VCAN: variants seen among roughly 807,000 people sequenced by gnomAD.
VCAN encodes the protein versican.
Under a neutral mutation model 245.5 loss-of-function variants are expected in VCAN, and 44 were observed. That is an observed-to-expected ratio of 0.18 (90% confidence interval 0.14 to 0.23). VCAN has a LOEUF of 0.23. Among genes scored for constraint, VCAN ranks in the 10% least tolerant of loss-of-function variants. VCAN has a pLI of 1.00. For missense variants in VCAN, 3,793 were observed against 4,057.9 expected (o/e 0.93, Z 1.77); for synonymous variants, 1,413 against 1,437.0 (o/e 0.98, Z 0.38).
chr5:83,545,851 C>T (rs190181891), intron 9 of VCAN, among the ~76,000 whole-genome samples: 141 of 152,226 alleles, frequency 9.3e-4, no homozygotes, highest in Non-Finnish European at 9.7e-4. Flanking sequence ...GTTAACGTAA[C>T]CAAGACTCAG....
At position 83,493,433 on chromosome 5, in the gene VCAN, T is replaced by G. The variant is rs192859873; in HGVS notation, c.446-113T>G. On this transcript the variant is annotated intron_variant, in intron 3 of 14. Coordinates refer to ENST00000265077, the MANE Select transcript of VCAN (RefSeq NM_004385.5). Reference sequence around the variant, plus strand: ...ATGAAGTAAAAGTAAATAATTATTATGATATTATTACTATGTATCCAACTA... The same window carrying G: ...ATGAAGTAAAAGTAAATAATTATTAGGATATTATTACTATGTATCCAACTA... 7.4e-4 allele frequency: 954 copies of G among 1,296,676 alleles called. 2 individuals are homozygous for G. Among genetic ancestry groups the G allele is most frequent in the Admixed American group, 1.1e-3 (59 of 54,098 alleles). 80.3% of individuals were successfully genotyped at this position (1,296,676 alleles called of 1,614,324 possible). A position where few individuals can be genotyped will look rare whatever the true frequency, so the allele number is the denominator to read the frequency against.
chr5:83,561,586 A>C (rs1355337582), intron 12 of VCAN, among the ~76,000 whole-genome samples: 2 of 152,114 alleles, frequency 1.3e-5, no homozygotes, highest in Non-Finnish European at 2.9e-5. Context: ...GATGCACAAG[A>C]ATGTCCAGAT....
chr5:83,563,614 T>A (rs1747956861), intron 12 of VCAN, among the ~76,000 whole-genome samples: 1 of 152,148 alleles, frequency 6.6e-6, no homozygotes, highest in Admixed American at 6.5e-5. Context: ...TGGGAAAGTG[T>A]TTTCTGTTTG....
intron 5 of VCAN, among the ~76,000 whole-genome samples, chr5:83,497,771 G>A (rs1409626069): frequency 6.6e-6 from 1 of 152,140 alleles, no homozygotes; most frequent in Non-Finnish European, 1.5e-5. Flanking sequence ...CAAGAAATTA[G>A]GTAAAGGATC....
intron 13 of VCAN, among the ~76,000 whole-genome samples, chr5:83,577,578 C>G (rs756470564): frequency 3.9e-5 from 6 of 152,084 alleles, no homozygotes; most frequent in Non-Finnish European, 8.8e-5. Context: ...AAGCCTTTAT[C>G]AAATTATTTC....
At chr5:83,564,703 A>G (rs1042536246) in intron 12 of VCAN, among the ~76,000 whole-genome samples, 1 of 151,318 alleles carries the variant, frequency 6.6e-6, no homozygotes, top group African/African-American at 2.4e-5. Context: ...TTCACTGTGA[A>G]CTAAATTAGC....
chr5:83,539,436 T>G lies in VCAN; in HGVS notation c.6433T>G (p.Phe2145Val). ...TEQTIFDSQTFTETELKTTDY... is the reference protein window; with the variant it reads ...TEQTIFDSQTVTETELKTTDY... ...ACAAACAATCTTTGATTCACAGACA[T>G]TTACTGAAACTGAACTCAAAACCAC... The change falls in exon 8 of 15, where the codon TTT becomes GTT. Residue 2145 changes from phenylalanine to valine, a missense_variant. Phe to Val is a conservative substitution (Grantham distance 50). This residue lies in a region of VCAN where 3,182 missense variants were observed against 3,250.3 expected (regional missense o/e 0.98). Transcript: ENST00000265077. 1 of 1,613,586 alleles carries G rather than the reference T, an allele frequency of 6.2e-7. No individual in the cohort carries two copies. Among genetic ancestry groups the G allele is most frequent in the Non-Finnish European group, 8.5e-7 (1 of 1,179,826 alleles).
intron 12 of VCAN, among the ~76,000 whole-genome samples, chr5:83,560,421 T>C (rs1370297324): frequency 6.6e-6 from 1 of 152,154 alleles, no homozygotes; most frequent in Non-Finnish European, 1.5e-5. Context: ...CAGCTCATTT[T>C]ACTTTTTATA....
In VCAN at chr5:83,512,057, A is replaced by C. The variant is rs762180242; in HGVS notation, c.749-46A>C. ...ACCATATTTATCCAACAGGAAAGGA[A>C]TGAATAATAAAACTTTGGGCTTTTT... On this transcript the variant is annotated intron_variant, in intron 5 of 14. Coordinates refer to ENST00000265077, the MANE Select transcript of VCAN (RefSeq NM_004385.5). 13 of 1,611,130 alleles carry C rather than the reference A, an allele frequency of 8.1e-6. No individual in the cohort carries two copies. The South Asian group carries it at 1.4e-4, about 18-fold the overall frequency.
At position 83,539,631 on chromosome 5, in the gene VCAN, G is replaced by T; in HGVS notation, c.6628G>T (p.Ala2210Ser). 2 of 1,613,984 alleles carry T rather than the reference G, an allele frequency of 1.2e-6. No individual in the cohort carries two copies. The highest frequency in any genetic ancestry group is 1.7e-6 in the Non-Finnish European group (2 of 1,179,986). Reference sequence around the variant, plus strand: ...AAAGTCACATTTTTTCTTAGCTACTGCATTAGTAACTGAATCTATACCAGC... The same window carrying T: ...AAAGTCACATTTTTTCTTAGCTACTTCATTAGTAACTGAATCTATACCAGC... The part of the protein sequence containing the change: ...TEKSHFFLAT[A>S]LVTESIPAEH... Residue 2210 changes from alanine to serine, a missense_variant, in exon 8 of 15, where the codon GCA becomes TCA. Transcript: ENST00000265077.
chr5:83,498,717 CT>C (rs2112367318), intron 5 of VCAN, among the ~76,000 whole-genome samples: 1 of 152,282 alleles, frequency 6.6e-6, no homozygotes, highest in Admixed American at 6.5e-5. Flanking sequence ...GAATTCTTTT[CT>C]GAATTTCATA....
rs193135807 is a variant in VCAN, at chr5:83,549,581, T to G, written c.9493+1497T>G. Among the ~76,000 whole-genome samples, 394 of 152,332 alleles carry G rather than the reference T, an allele frequency of 2.6e-3. 2 individuals carry two copies. Among genetic ancestry groups the G allele is most frequent in the Non-Finnish European group, 2.6e-3 (175 of 68,032 alleles). Reference sequence around the variant, plus strand: ...CAAAGATAAACACTTTATTTATATGTTTATCTGATGCATTGAGTGGCAACA... The same window carrying G: ...CAAAGATAAACACTTTATTTATATGGTTATCTGATGCATTGAGTGGCAACA... On this transcript the variant is annotated intron_variant, in intron 10 of 14. Transcript: ENST00000265077.
chr5:83,520,788 C>G lies in VCAN; in HGVS notation c.2482C>G (p.Pro828Ala). 6.2e-7 allele frequency: 1 copy of G among 1,614,090 alleles called. No homozygotes were observed. Reference sequence around the variant, plus strand: ...ACCTTCAGCCTCTTCAAAATTGCCCCCTGCCTTACTCACAACTGTGGGGAT... The same window carrying G: ...ACCTTCAGCCTCTTCAAAATTGCCCGCTGCCTTACTCACAACTGTGGGGAT... ...TEPSASSKLP[P>A]ALLTTVGMNG... The change falls in exon 7 of 15, where the codon CCT becomes GCT. Residue 828 changes from proline to alanine, a missense_variant. Around this residue, in one of 5 missense-constraint regions of VCAN, gnomAD observed 3,182 missense variants for 3,250.3 expected, o/e 0.98. Coordinates refer to ENST00000265077, the MANE Select transcript of VCAN (RefSeq NM_004385.5).
intron 1 of VCAN, among the ~76,000 whole-genome samples, chr5:83,474,658 C>T (rs543548237): frequency 1.3e-5 from 2 of 152,234 alleles, no homozygotes; most frequent in Non-Finnish European, 2.9e-5. Context: ...TGCAGTACAG[C>T]CGCACAGGCG....
intron 6 of VCAN, among the ~76,000 whole-genome samples, chr5:83,514,343 A>G (rs1745770501): frequency 6.6e-6 from 1 of 152,168 alleles, no homozygotes; most frequent in Admixed American, 6.6e-5. Flanking sequence ...GCATTTAGCC[A>G]TATAGAAGCC....
At chr5:83,493,106 G>A (rs189053966) in intron 3 of VCAN, among the ~76,000 whole-genome samples, 27 of 152,330 alleles carry the variant, frequency 1.8e-4, no homozygotes, top group Admixed American at 5.9e-4. Context: ...TTATGAGACA[G>A]GTGAGTGTTT....
At chr5:83,519,194 T>A (rs924881753) in intron 6 of VCAN, among the ~76,000 whole-genome samples, 155 bp from the exon 7 acceptor site, 2 of 152,198 alleles carry the variant, frequency 1.3e-5, no homozygotes, top group African/African-American at 4.8e-5. Context: ...TTGGGTTAAT[T>A]CAAGTATAGT....
At chr5:83,535,842 T>G (rs1050087438) in intron 7 of VCAN, 1 of 152,222 alleles carries the variant, frequency 6.6e-6, no homozygotes, top group Admixed American at 6.6e-5. Flanking sequence ...TGTAGTATTA[T>G]TCCTATGGGC....
Position 83,572,550 on chromosome 5 carries a change from GA to G in VCAN, c.9873del (p.Gly3292GlufsTer11), listed in dbSNP as rs1405181049. The part of the protein sequence containing the change: ...CNYHLTYTCK[K>X]GTVACGQPPV... ...ATTACCATCTCACCTATACGTGCAA[GA>G]AAGGAACAGGTAATGATCACCCTGT... On this transcript the variant is annotated frameshift_variant, in exon 13 of 15. Coordinates refer to ENST00000265077, the MANE Select transcript of VCAN (RefSeq NM_004385.5). LOFTEE classifies it high-confidence loss of function. 1 of 1,613,790 alleles carries G rather than the reference GA, an allele frequency of 6.2e-7. No homozygotes were observed. The highest frequency in any genetic ancestry group is 1.7e-5 in the Admixed American group (1 of 59,994).
Sources: gnomAD v4.1 joint callset for allele counts (sites outside exome capture counted in the v4.1 genomes callset) on GRCh38, gnomAD v4.1.1 for gene constraint, gnomAD v4.1.1 regional missense constraint, MANE v1.5 for transcripts, NCBI Gene and HGNC (gene_info 2026-07-23, HGNC 2026-07-21) for gene names.